SLC35F1: variants seen among roughly 807,000 people sequenced by gnomAD.
SLC35F1 encodes chromosome 6 open reading frame 169.
Under a neutral mutation model 48.7 loss-of-function variants are expected in SLC35F1, and 14 were observed. The observed-to-expected ratio is 0.29, with a 90% CI of 0.19 to 0.45. The LOEUF (loss-of-function observed/expected upper bound fraction) is 0.45, where lower values mean the gene tolerates loss of function less well. Ranked by LOEUF, SLC35F1 falls within the 20% of genes least tolerant of loss-of-function variation. The pLI is 1.00. For synonymous variants in SLC35F1, 190 were observed against 202.2 expected (o/e 0.94, Z 0.51); for missense variants, 404 against 500.0 (o/e 0.81, Z 1.83).
intron 1 of SLC35F1, among the ~76,000 whole-genome samples, chr6:117,968,725 T>C (rs1410799451): frequency 2.0e-5 from 3 of 152,192 alleles, no homozygotes; most frequent in Non-Finnish European, 4.4e-5. Flanking sequence ...CAGAAACATC[T>C]ATGGTATAAA....
chr6:117,930,319 G>C (rs967851470), intron 1 of SLC35F1, among the ~76,000 whole-genome samples: 1 of 152,072 alleles, frequency 6.6e-6, no homozygotes, highest in African/African-American at 2.4e-5. Context: ...CTGCAGACAG[G>C]CTCCCTTTTA....
At chr6:118,095,463 G>C (rs536159439) in intron 1 of SLC35F1, among the ~76,000 whole-genome samples, 1 of 152,228 alleles carries the variant, frequency 6.6e-6, no homozygotes, top group African/African-American at 2.4e-5. Flanking sequence ...TAGACAACAT[G>C]CTTGACAGGA....
chr6:117,926,803 A>G (rs1282047733), intron 1 of SLC35F1, among the ~76,000 whole-genome samples: 1 of 152,174 alleles, frequency 6.6e-6, no homozygotes, highest in Non-Finnish European at 1.5e-5. Flanking sequence ...GAAAAGTAAC[A>G]TGACTGATGT....
intron 1 of SLC35F1, among the ~76,000 whole-genome samples, chr6:117,970,849 C>A (rs117724145): frequency 6.6e-6 from 1 of 152,140 alleles, no homozygotes; most frequent in Non-Finnish European, 1.5e-5. Flanking sequence ...GTCCCTTTCA[C>A]GACATGTAGG....
At chr6:118,161,158 A>T in intron 2 of SLC35F1, among the ~76,000 whole-genome samples, 1 of 152,170 alleles carries the variant, frequency 6.6e-6, no homozygotes, top group Non-Finnish European at 1.5e-5. Flanking sequence ...TTGGAAACTT[A>T]GGTAGCCAGC....
At chr6:118,279,257 T>C (rs1410638290) in intron 6 of SLC35F1, among the ~76,000 whole-genome samples, 2 of 152,210 alleles carry the variant, frequency 1.3e-5, no homozygotes, top group East Asian at 3.8e-4. Flanking sequence ...TGTATCAAAC[T>C]ATCACATGTA....
chr6:118,312,665 A>G (rs1425297558), intron 7 of SLC35F1, among the ~76,000 whole-genome samples: 2 of 152,204 alleles, frequency 1.3e-5, no homozygotes, highest in Admixed American at 6.5e-5. Flanking sequence ...CTGCAAAAAG[A>G]AAGAAAGAAA....
intron 4 of SLC35F1, among the ~76,000 whole-genome samples, chr6:118,268,976 G>A (rs912428182): frequency 6.6e-6 from 1 of 152,104 alleles, no homozygotes; most frequent in East Asian, 1.9e-4. Context: ...CTAAGCAGAA[G>A]CAAGTACCCT....
At chr6:118,116,943 A>T (rs1234301000) in intron 1 of SLC35F1, among the ~76,000 whole-genome samples, 1 of 152,330 alleles carries the variant, frequency 6.6e-6, no homozygotes, top group Admixed American at 6.5e-5. Context: ...ACTCATGTGT[A>T]TCCAACCCTT....
intron 7 of SLC35F1, among the ~76,000 whole-genome samples, chr6:118,288,011 G>T (rs2356080): frequency 0.54 from 78,914 of 145,248 alleles, 21,234 homozygotes; most frequent in African/African-American, 0.62. Context: ...AATGATTTGG[G>T]TTTTTTTTTT....
chr6:118,136,834 A>G (rs143630730), intron 1 of SLC35F1, among the ~76,000 whole-genome samples: 9 of 152,324 alleles, frequency 5.9e-5, no homozygotes, highest in African/African-American at 2.2e-4. Flanking sequence ...ATAGAGGAGA[A>G]CACTCTGTAA....
chr6:117,918,574 ATGTT>A (rs1775856141), intron 1 of SLC35F1, among the ~76,000 whole-genome samples: 1 of 152,194 alleles, frequency 6.6e-6, no homozygotes, highest in Non-Finnish European at 1.5e-5. Flanking sequence ...GGTGTGTAGG[ATGTT>A]TGTACAAAGA....
chr6:117,909,723 A>G (rs372474513), intron 1 of SLC35F1, among the ~76,000 whole-genome samples: 2 of 152,236 alleles, frequency 1.3e-5, no homozygotes, highest in African/African-American at 2.4e-5. Flanking sequence ...TAATGTATTC[A>G]ACTCATTTTT....
chr6:118,129,977 C>T (rs1773686347), intron 1 of SLC35F1, among the ~76,000 whole-genome samples: 1 of 152,212 alleles, frequency 6.6e-6, no homozygotes, highest in Non-Finnish European at 1.5e-5. Flanking sequence ...GATGTATCAA[C>T]TGTCAGTCTC....
Position 118,120,518 on chromosome 6 carries a change from C to A in SLC35F1, c.174-33927C>A, listed in dbSNP as rs12526522. 3.9e-5 allele frequency among the ~76,000 whole-genome samples: 6 copies of A among 152,222 alleles called. No individual in the cohort carries two copies. The East Asian group carries it at 5.8e-4, about 15-fold the overall frequency. On this transcript the variant is annotated intron_variant, in intron 1 of 7. Transcript: ENST00000360388. ...AGGAGGGAAAGATTTGGTCATGTTA[C>A]CCCCTACAACTTATCCACCCTTTTT...
chr6:118,021,636 C>T (rs1263188660), intron 1 of SLC35F1, among the ~76,000 whole-genome samples: 1 of 152,196 alleles, frequency 6.6e-6, no homozygotes, highest in Non-Finnish European at 1.5e-5. Flanking sequence ...ATCATGCCTC[C>T]ATTTATGCCC....
At chr6:117,967,074 A>C (rs1045280687) in intron 1 of SLC35F1, among the ~76,000 whole-genome samples, 2 of 152,226 alleles carry the variant, frequency 1.3e-5, no homozygotes, top group East Asian at 3.8e-4. Flanking sequence ...TGGAAATATA[A>C]GTAGCTAATG....
chr6:118,233,780 T>G (rs1300023590), intron 2 of SLC35F1, among the ~76,000 whole-genome samples: 1 of 152,114 alleles, frequency 6.6e-6, no homozygotes, highest in Non-Finnish European at 1.5e-5. Flanking sequence ...AGGGCTACAT[T>G]TTGAAAAATG....
intron 1 of SLC35F1, among the ~76,000 whole-genome samples, chr6:118,050,451 G>A (rs149544484): frequency 1.1e-3 from 163 of 151,700 alleles, no homozygotes; most frequent in African/African-American, 3.6e-3. Flanking sequence ...TAACAGAATA[G>A]CAGAGAGAAT....
Sources: allele counts gnomAD v4.1 joint callset (sites outside exome capture counted in the v4.1 genomes callset), GRCh38; gene constraint gnomAD v4.1.1; transcripts MANE v1.5; gene names NCBI Gene and HGNC (gene_info 2026-07-23, HGNC 2026-07-21).